Variants in ELFN1 observed in about 807,000 individuals in gnomAD.
ELFN1 encodes the protein extracellular leucine rich repeat and fibronectin type III domain containing 1.
In ELFN1, 6 loss-of-function variants were observed where a neutral mutation model predicts 7.6. That is an observed-to-expected ratio of 0.79 (90% CI 0.43 to 1.56). ELFN1 has a LOEUF of 1.56. Among genes scored for constraint, ELFN1 ranks in the 40% most tolerant of loss-of-function variants. The pLI, the probability that ELFN1 is intolerant of heterozygous loss-of-function variation, is 0.01. For synonymous variants in ELFN1, 657 were observed against 588.1 expected (o/e 1.12, Z -1.70); for missense variants, 1,169 against 1,232.2 (o/e 0.95, Z 0.77).
intron 3 of ELFN1, among the ~76,000 whole-genome samples, chr7:1,737,599 G>A (rs1045933741): frequency 5.9e-5 from 9 of 152,116 alleles, no homozygotes; most frequent in African/African-American, 1.9e-4. Context: ...CACCTTCAAC[G>A]TTCCCTGAAG....
At chr7:1,708,887 A>C (rs1458681012) in intron 2 of ELFN1, among the ~76,000 whole-genome samples, 1 of 152,184 alleles carries the variant, frequency 6.6e-6, no homozygotes, top group Non-Finnish European at 1.5e-5. Context: ...CCCGGCTGGC[A>C]CATGGCTCTG....
chr7:1,718,140 G>A lies in ELFN1; in HGVS notation c.-294+8888G>A, dbSNP rs1331688221. ...CACATCTGCATCCCAGCTGTCAAGGGGCATGCATGCCCATTCCTTTTAAGG... is the reference window on the plus strand; with the variant it reads ...CACATCTGCATCCCAGCTGTCAAGGAGCATGCATGCCCATTCCTTTTAAGG... On this transcript the variant is annotated intron_variant, in intron 3 of 3. Transcript: ENST00000424383. Among the ~76,000 whole-genome samples the A allele has an allele frequency of 2.0e-5, 3 of 152,144 alleles. No individual in the cohort carries two copies. In the South Asian group the frequency reaches 6.2e-4, roughly 31 times the overall value.
rs1010832130 is a variant in ELFN1 at position 1,746,513 on chromosome 7, C to T, written c.1917C>T (p.Ser639=). 6.1e-6 allele frequency: 9 copies of T among 1,473,028 alleles called. No homozygotes were observed. The African/African-American group carries it at 1.3e-4, about 22-fold the overall frequency. 91.2% of individuals were successfully genotyped at this position (1,473,028 alleles called of 1,614,324 possible). ...AGGCCGCCGGGCCCCCTCGTGCCAG[C>T]ACCTCGTCCAGCGGCTCCGTGCGCA... ...SVEAAGPPRA[S]TSSSGSVRSP... is the part of the protein sequence containing the mutation. The change falls in exon 4 of 4, where the codon AGC becomes AGT. Residue 639 remains serine (S), a synonymous_variant. Transcript: ENST00000424383.
At chr7:1,707,731 T>A (rs929742177) in intron 2 of ELFN1, among the ~76,000 whole-genome samples, 1 of 152,254 alleles carries the variant, frequency 6.6e-6, no homozygotes, top group East Asian at 1.9e-4. Context: ...CTCTAACTGA[T>A]GAGCATCCCC....
chr7:1,747,302 C>G lies in ELFN1; in HGVS notation c.*219C>G. 2 of 270,280 alleles carry G rather than the reference C, an allele frequency of 7.4e-6. No homozygotes were observed. The highest frequency in any genetic ancestry group is 7.5e-5 in the East Asian group (1 of 13,332). The allele number at this position is 270,280 out of a possible 1,614,324, so 16.7% of individuals were successfully genotyped here. ...GCTTGTCGCCCCGGGTGGCACGTGT[C>G]CACACACACACACACACACACACAC... On this transcript the variant is annotated 3_prime_UTR_variant, in exon 4 of 4. Coordinates refer to ENST00000424383, the MANE Select transcript of ELFN1 (RefSeq NM_001128636.4).
intron 1 of ELFN1, among the ~76,000 whole-genome samples, chr7:1,679,272 G>A (rs1431171306): frequency 6.6e-6 from 1 of 152,126 alleles, no homozygotes; most frequent in East Asian, 1.9e-4. Context: ...GGTGACCAGG[G>A]CTGGGCGGGA....
intron 3 of ELFN1, among the ~76,000 whole-genome samples, chr7:1,731,590 C>T (rs772142559): frequency 2.6e-5 from 4 of 152,234 alleles, no homozygotes; most frequent in Admixed American, 6.5e-5. Flanking sequence ...GGGAAACAGA[C>T]ATGCACAGGG....
chr7:1,678,082 C>T (rs1379778183), intron 1 of ELFN1, among the ~76,000 whole-genome samples: 1 of 152,180 alleles, frequency 6.6e-6, no homozygotes, highest in Non-Finnish European at 1.5e-5. Flanking sequence ...AGTGTTCCCG[C>T]ACCCGAATCC....
In ELFN1 at chr7:1,713,001, C is replaced by G. The variant is rs558427742; in HGVS notation, c.-294+3749C>G. ...TACTGCCCTGAGCATGGAGTGGGAA[C>G]TCAGCAGTCTCCGGAACACCGATGC... is the stretch of plus-strand genomic sequence containing the variant. On this transcript the variant is annotated intron_variant, in intron 3 of 3. Transcript: ENST00000424383. Among the ~76,000 whole-genome samples, 6 of 152,338 alleles carry G rather than the reference C, an allele frequency of 3.9e-5. No individual in the cohort carries two copies. The East Asian group carries it at 1.2e-3, about 29-fold the overall frequency.
intron 3 of ELFN1, among the ~76,000 whole-genome samples, chr7:1,743,593 G>A (rs1295750731): frequency 2.0e-5 from 3 of 152,158 alleles, no homozygotes; most frequent in African/African-American, 4.8e-5. Flanking sequence ...GACACAGGGC[G>A]GGCGAGCTCA....
At chr7:1,700,738 C>A (rs1323493673) in intron 2 of ELFN1, among the ~76,000 whole-genome samples, 1 of 152,220 alleles carries the variant, frequency 6.6e-6, no homozygotes, top group East Asian at 1.9e-4. Context: ...ACGAGAGTTC[C>A]CGTTGCTCCA....
chr7:1,669,193 C>G (rs1349593333), upstream of ELFN1, among the ~76,000 whole-genome samples: 1 of 152,248 alleles, frequency 6.6e-6, no homozygotes, highest in African/African-American at 2.4e-5. Flanking sequence ...TCTCCGGTCC[C>G]CACACACTAT....
chr7:1,746,949 C>T lies in ELFN1; in HGVS notation c.2353C>T (p.Arg785Trp), dbSNP rs776267027. The T allele has an allele frequency of 2.6e-6, 4 of 1,550,844 alleles. No homozygotes were observed. Among genetic ancestry groups the T allele is most frequent in the African/African-American group, 2.7e-5 (2 of 73,168 alleles). ...SIWERFRLSRRRHKEEEEFMA... is the reference protein window; with the variant it reads ...SIWERFRLSRWRHKEEEEFMA... The stretch of plus-strand genomic sequence containing the variant: ...CTGGGAGCGCTTCAGACTGAGCCGC[C>T]GGCGGCACAAGGAGGAAGAGGAGTT... Residue 785 changes from arginine to tryptophan, a missense_variant, in exon 4 of 4, where the codon CGG becomes TGG. Around this residue, in one of 2 missense-constraint regions of ELFN1, gnomAD observed 914 missense variants for 872.6 expected, o/e 1.05. Transcript: ENST00000424383.
chr7:1,724,781 C>A (rs1780138966), intron 3 of ELFN1, among the ~76,000 whole-genome samples: 2 of 152,200 alleles, frequency 1.3e-5, no homozygotes, highest in Admixed American at 6.5e-5. Flanking sequence ...AGGTTCACGG[C>A]CACCACTGCC....
intron 2 of ELFN1, among the ~76,000 whole-genome samples, chr7:1,702,153 A>G (rs566493624): frequency 3.3e-5 from 5 of 152,308 alleles, no homozygotes; most frequent in South Asian, 4.1e-4. Context: ...GGCCGGGTGC[A>G]GTGGCTCACG....
At position 1,670,725 on chromosome 7, in the gene ELFN1, C is replaced by T. The variant is rs1778748358; in HGVS notation, c.-549+371C>T. 6.6e-6 allele frequency among the ~76,000 whole-genome samples: 1 copy of T among 152,198 alleles called. No homozygotes were observed. The highest frequency in any genetic ancestry group is 2.4e-5 in the African/African-American group (1 of 41,464). ...TGCCCGGCGCCCCCCAGACGCGGCCCCCTGCCCTTCCCTTCCCGGAAATTA... is the reference window on the plus strand; with the variant it reads ...TGCCCGGCGCCCCCCAGACGCGGCCTCCTGCCCTTCCCTTCCCGGAAATTA... On this transcript the variant is annotated intron_variant, in intron 1 of 3. Coordinates refer to ENST00000424383, the MANE Select transcript of ELFN1 (RefSeq NM_001128636.4). This position sits in a 1 kb window ranked among gnomAD's most constrained non-coding sequence, Gnocchi z 6.4.
intron 3 of ELFN1, among the ~76,000 whole-genome samples, chr7:1,738,239 C>T (rs1012514763): frequency 7.2e-5 from 11 of 152,132 alleles, no homozygotes; most frequent in Non-Finnish European, 1.2e-4. Flanking sequence ...GGGCCGGGCA[C>T]GTGGAGGCCT....
At chr7:1,697,946 G>A (rs576772304) in intron 2 of ELFN1, among the ~76,000 whole-genome samples, 2 of 152,324 alleles carry the variant, frequency 1.3e-5, no homozygotes, top group African/African-American at 4.8e-5. Flanking sequence ...AGGGCAGTGG[G>A]GCTGGGGCCA....
intron 1 of ELFN1, among the ~76,000 whole-genome samples, chr7:1,678,392 G>C (rs1246915046): frequency 6.6e-6 from 1 of 152,224 alleles, no homozygotes; most frequent in Admixed American, 6.5e-5. Context: ...CTGCATGTCA[G>C]TTGTGGGTAA....
Sources: allele counts gnomAD v4.1 joint callset (sites outside exome capture counted in the v4.1 genomes callset), GRCh38; gene constraint gnomAD v4.1.1; regional missense constraint gnomAD v4.1.1; non-coding constraint Gnocchi (gnomAD v3.1); transcripts MANE v1.5; gene names NCBI Gene and HGNC (gene_info 2026-07-23, HGNC 2026-07-21).